Variants in CACNA2D4 observed in about 807,000 individuals in gnomAD.
The protein encoded by CACNA2D4 is voltage-dependent calcium channel subunit alpha-2/delta-4.
Under a neutral mutation model 163.8 loss-of-function variants are expected in CACNA2D4, and 157 were observed. The ratio of observed to expected loss-of-function variants is 0.96; its 90% confidence interval spans 0.84 to 1.09. CACNA2D4 has a LOEUF of 1.09. CACNA2D4 is among the 50% of genes least tolerant of loss of function. CACNA2D4 has a pLI of 0.00. For synonymous variants in CACNA2D4, 598 were observed against 586.9 expected (o/e 1.02, Z -0.27); for missense variants, 1,410 against 1,479.9 (o/e 0.95, Z 0.78).
In CACNA2D4 at chr12:1,792,121, A is replaced by G. The variant is rs1298169416; in HGVS notation, c.*1534T>C. On this transcript the variant is annotated 3_prime_UTR_variant, in exon 38 of 38. Transcript: ENST00000382722. ...TCTATAACATGGGACTAATGATAGT[A>G]CCCACTTTCAGGGGGCTGTTGTGAG... is the stretch of plus-strand genomic sequence containing the variant. The G allele has an allele frequency of 6.6e-6, 1 of 152,216 alleles. No homozygotes were observed. Among genetic ancestry groups the G allele is most frequent in the African/African-American group, 2.4e-5 (1 of 41,460 alleles). 9.4% of individuals were successfully genotyped at this position (152,216 alleles called of 1,614,324 possible).
intron 23 of CACNA2D4, among the ~76,000 whole-genome samples, chr12:1,850,979 C>A (rs934924249): frequency 1.3e-5 from 2 of 152,152 alleles, no homozygotes; most frequent in Admixed American, 1.3e-4. Context: ...ACCTCCTGGG[C>A]TCAAGTGATC....
chr12:1,837,083 G>A (rs1004620065), intron 26 of CACNA2D4, among the ~76,000 whole-genome samples: 3 of 152,224 alleles, frequency 2.0e-5, no homozygotes, highest in East Asian at 1.9e-4. Context: ...GTTGTGGTGC[G>A]AAGGTGAGCT....
intron 26 of CACNA2D4, chr12:1,831,391 G>A (rs756490188): frequency 1.4e-5 from 23 of 1,613,876 alleles, no homozygotes; most frequent in Middle Eastern, 1.6e-4. Flanking sequence ...CGCTCCAACC[G>A]TCTGCAGAAT....
intron 32 of CACNA2D4, 73 bp from the exon 33 acceptor site, chr12:1,800,125 C>T: frequency 2.8e-6 from 4 of 1,416,232 alleles, no homozygotes; most frequent in Non-Finnish European, 3.9e-6. Context: ...GCTGGAGTAT[C>T]CCTGACAGCC....
At chr12:1,856,255 T>A (rs762699672) in intron 20 of CACNA2D4, 26 bp from the exon 21 acceptor site, 1 of 1,613,262 alleles carries the variant, frequency 6.2e-7, no homozygotes, top group Admixed American at 1.7e-5. Context: ...ACATTCAGGG[T>A]GATGCTCCCT....
intron 6 of CACNA2D4, 137 bp from the exon 7 acceptor site, chr12:1,887,206 T>A: frequency 1.5e-6 from 1 of 647,770 alleles, no homozygotes; most frequent in Non-Finnish European, 2.9e-6. Context: ...TGGGGAACAC[T>A]GGGACATGCC....
intron 18 of CACNA2D4, among the ~76,000 whole-genome samples, chr12:1,865,746 G>C (rs985395456): frequency 2.0e-5 from 3 of 152,218 alleles, no homozygotes; most frequent in African/African-American, 7.2e-5. Context: ...TGGGGAACCG[G>C]GGCGCGGGGA....
chr12:1,874,207 A>C lies in CACNA2D4; in HGVS notation c.1878+397T>G, dbSNP rs150261285. On this transcript the variant is annotated intron_variant, in intron 18 of 37. Transcript: ENST00000382722. The surrounding 1 kb of genome is among the most constrained non-coding windows in gnomAD (Gnocchi z 4.4). ...GAAAATCAGCTGTAGGGAATAGTGA[A>C]TATTTCAATCTCTTCCTGTATAACA... is the stretch of plus-strand genomic sequence containing the variant. Among the ~76,000 whole-genome samples, 3 of 152,330 alleles carry C rather than the reference A, an allele frequency of 2.0e-5. No individual in the cohort carries two copies. Among genetic ancestry groups the C allele is most frequent in the African/African-American group, 4.8e-5 (2 of 41,570 alleles).
chr12:1,864,650 G>A (rs1865601993), intron 18 of CACNA2D4, among the ~76,000 whole-genome samples: 2 of 152,162 alleles, frequency 1.3e-5, no homozygotes, highest in Non-Finnish European at 1.5e-5. Context: ...GGGCGCCGCC[G>A]ACGGCGATGG....
intron 23 of CACNA2D4, among the ~76,000 whole-genome samples, chr12:1,850,139 G>C (rs893054658): frequency 6.6e-6 from 1 of 152,200 alleles, no homozygotes; most frequent in Non-Finnish European, 1.5e-5. Context: ...AATTGTGCTA[G>C]ACGTCATCAA....
In CACNA2D4 at chr12:1,895,422, C is replaced by T. The variant is rs57372477; in HGVS notation, c.782-8353G>A. ...AAAAAGTCAGAATAGCTAAAGCAAT[C>T]CTGAGTAAAAACAAAAACATAAACA... On this transcript the variant is annotated intron_variant, in intron 6 of 37. Transcript: ENST00000382722. Among the ~76,000 whole-genome samples the T allele has an allele frequency of 7.9e-5, 12 of 152,018 alleles. No individual in the cohort carries two copies. In the East Asian group the frequency reaches 2.3e-3, roughly 29 times the overall value.
chr12:1,872,110 T>TA lies in CACNA2D4; in HGVS notation c.1878+2493dup, dbSNP rs1336278983. Among the ~76,000 whole-genome samples the TA allele has an allele frequency of 2.8e-4, 42 of 152,338 alleles. 1 individual carries two copies. In the Middle Eastern group the frequency reaches 0.014, roughly 49 times the overall value. On this transcript the variant is annotated intron_variant, in intron 18 of 37. Transcript: ENST00000382722. ...GCCCGCCAGCCAAAACTGGGCTTCT[T>TA]ACGAGTTTAACATCCTAGATGTTGG...
Position 1,793,541 on chromosome 12 carries a change from GCGTTGGCCTGGGGGCGA to G in CACNA2D4, c.*97_*113del, listed in dbSNP as rs1178385694. 15 of 849,498 alleles carry G rather than the reference GCGTTGGCCTGGGGGCGA, an allele frequency of 1.8e-5. No individual in the cohort carries two copies. The East Asian group carries it at 3.9e-4, about 22-fold the overall frequency. The allele number at this position is 849,498 out of a possible 1,614,324, so 52.6% of individuals were successfully genotyped here. On this transcript the variant is annotated 3_prime_UTR_variant, in exon 38 of 38. Transcript: ENST00000382722. ...GGCCACCAGCCCAGGATTGAGAGGA[GCGTTGGCCTGGGGGCGA>G]CCCAACTGCAGTTAGCTGCATCCCA...
chr12:1,895,702 A>G (rs915483000), intron 6 of CACNA2D4, among the ~76,000 whole-genome samples: 1 of 151,986 alleles, frequency 6.6e-6, no homozygotes, highest in Non-Finnish European at 1.5e-5. Context: ...GGCGTGCAAG[A>G]CTCACAGCAG....
Position 1,829,193 on chromosome 12 carries a change from G to A in CACNA2D4, c.2551+11546C>T, listed in dbSNP as rs576959481. Among the ~76,000 whole-genome samples the A allele has an allele frequency of 1.8e-3, 268 of 152,278 alleles. No homozygotes were observed. The highest frequency in any genetic ancestry group is 5.2e-3 in the African/African-American group (217 of 41,560). On this transcript the variant is annotated intron_variant, in intron 26 of 37. Coordinates refer to ENST00000382722, the MANE Select transcript of CACNA2D4 (RefSeq NM_172364.5). This position sits in a 1 kb window ranked among gnomAD's most constrained non-coding sequence, Gnocchi z 4.2. ...GGGGGGCGCAGGGAGTCGCTCTTCC[G>A]CAGCGGCTCTCTTAGCCTGCTGTCA...
At chr12:1,805,473 G>A (rs1017268377) in intron 29 of CACNA2D4, among the ~76,000 whole-genome samples, 1 of 152,238 alleles carries the variant, frequency 6.6e-6, no homozygotes, top group Admixed American at 6.5e-5. Flanking sequence ...CTCCTAAGGG[G>A]TGTGGACACT....
At position 1,828,902 on chromosome 12, in the gene CACNA2D4, G is replaced by A. The variant is rs1864489515; in HGVS notation, c.2551+11837C>T. Among the ~76,000 whole-genome samples, 2 of 152,200 alleles carry A rather than the reference G, an allele frequency of 1.3e-5. No homozygotes were observed. The highest frequency in any genetic ancestry group is 1.3e-4 in the Admixed American group (2 of 15,286). On this transcript the variant is annotated intron_variant, in intron 26 of 37. Coordinates refer to ENST00000382722, the MANE Select transcript of CACNA2D4 (RefSeq NM_172364.5). This position sits in a 1 kb window ranked among gnomAD's most constrained non-coding sequence, Gnocchi z 4.2. ...AGAATTCTCTTTATATGTGGCAAAG[G>A]GACCAGGTCAGCAAGGGCTGGTCTG...
chr12:1,809,994 G>A (rs1415260816), intron 29 of CACNA2D4, among the ~76,000 whole-genome samples: 5 of 152,218 alleles, frequency 3.3e-5, no homozygotes, highest in Admixed American at 3.3e-4. Context: ...TGGGGTCACT[G>A]AGTGGCTCCT....
intron 29 of CACNA2D4, among the ~76,000 whole-genome samples, chr12:1,807,019 G>C (rs1371168779): frequency 6.6e-6 from 1 of 151,976 alleles, no homozygotes; most frequent in Non-Finnish European, 1.5e-5. Context: ...CGGCCTCCTG[G>C]GAGTCCTGCC....
Sources: gnomAD v4.1 joint callset for allele counts (sites outside exome capture counted in the v4.1 genomes callset) on GRCh38, gnomAD v4.1.1 for gene constraint, Gnocchi (gnomAD v3.1) non-coding constraint, MANE v1.5 for transcripts, NCBI Gene and HGNC (gene_info 2026-07-23, HGNC 2026-07-21) for gene names.